MALRD1: variants seen among roughly 807,000 people sequenced by gnomAD.
MALRD1 encodes MAM and LDL receptor class A domain containing 1.
In MALRD1, 247 loss-of-function variants were observed where a neutral mutation model predicts 242.1. The ratio of observed to expected loss-of-function variants is 1.02; its 90% CI spans 0.92 to 1.13. The LOEUF (loss-of-function observed/expected upper bound fraction) is 1.13. Ranked by LOEUF, MALRD1 falls within the 50% of genes most tolerant of loss-of-function variation. MALRD1 has a pLI of 0.00. For missense variants in MALRD1, 2,989 were observed against 2,533.1 expected, an observed-to-expected ratio of 1.18 and a Z score of -3.86; for synonymous variants, 995 against 866.6, an observed-to-expected ratio of 1.15 and a Z score of -2.60.
In MALRD1 at chr10:19,087,252, C is replaced by T. The variant is rs570207393; in HGVS notation, c.341-588C>T. Among the ~76,000 whole-genome samples, 40 of 152,090 alleles carry T rather than the reference C, an allele frequency of 2.6e-4. No individual in the cohort carries two copies. In the South Asian group the frequency reaches 2.9e-3, roughly 11 times the overall value. ...GGCAGTCCTAATAGTATAATGTTTT[C>T]GCTAGATAGCATCTTTGCAGGGATG... On this transcript the variant is annotated intron_variant, in intron 2 of 39. Transcript: ENST00000454679.
chr10:19,378,099 C>T (rs1845685610), intron 26 of MALRD1, among the ~76,000 whole-genome samples: 1 of 152,090 alleles, frequency 6.6e-6, no homozygotes, highest in Non-Finnish European at 1.5e-5. Flanking sequence ...CAAATATATA[C>T]AGTTTTTTTA....
Position 19,352,202 on chromosome 10 carries a change from G to C in MALRD1, c.4346G>C (p.Arg1449Pro), listed in dbSNP as rs144859836. The C allele has an allele frequency of 3.9e-5, 60 of 1,550,334 alleles. No homozygotes were observed. The highest frequency in any genetic ancestry group is 4.4e-5 in the Non-Finnish European group (51 of 1,146,900). The change falls in exon 26 of 40, where the codon CGT becomes CCT. Residue 1449 changes from arginine (R) to proline (P), a missense_variant. Arg to Pro is a moderately radical substitution (Grantham distance 103). Transcript: ENST00000454679. The part of the protein sequence containing the change: ...KFEGRVGKGQ[R>P]GDIALDDIVL... ...GAAGGTAGAGTTGGGAAAGGTCAGC[G>C]TGGAGACATTGCACTTGATGACATT...
At chr10:19,401,260 G>A (rs923366092) in intron 28 of MALRD1, among the ~76,000 whole-genome samples, 1 of 152,016 alleles carries the variant, frequency 6.6e-6, no homozygotes, top group Non-Finnish European at 1.5e-5. Flanking sequence ...ATTTAACATA[G>A]CACTGCTTTC....
intron 26 of MALRD1, among the ~76,000 whole-genome samples, chr10:19,378,806 A>G (rs1004539729): frequency 6.6e-6 from 1 of 152,030 alleles, no homozygotes; most frequent in Admixed American, 6.6e-5. Context: ...TTGGTATTAG[A>G]GTAATATTGA....
chr10:19,703,072 T>C (rs918795590), intron 38 of MALRD1, among the ~76,000 whole-genome samples: 3 of 152,168 alleles, frequency 2.0e-5, no homozygotes, highest in Admixed American at 6.5e-5. Context: ...CCTAATCTCT[T>C]AGTGTGGACA....
intron 5 of MALRD1, among the ~76,000 whole-genome samples, chr10:19,108,916 T>C (rs1836573202): frequency 6.6e-6 from 1 of 152,198 alleles, no homozygotes; most frequent in South Asian, 2.1e-4. Context: ...TATGTTGATA[T>C]CTGTGCAACT....
intron 17 of MALRD1, among the ~76,000 whole-genome samples, chr10:19,208,451 A>G (rs1836885517): frequency 1.3e-5 from 2 of 152,152 alleles, no homozygotes; most frequent in Non-Finnish European, 2.9e-5. Context: ...TTATTTAGGT[A>G]TAGATTCTAT....
At chr10:19,382,358 G>C (rs1845871748) in intron 26 of MALRD1, among the ~76,000 whole-genome samples, 1 of 17,512 alleles carries the variant, frequency 5.7e-5, no homozygotes, top group African/African-American at 8.5e-4. Context: ...GTGTGTGTAT[G>C]TGTGAGTGTG....
chr10:19,460,080 G>A (rs533326340), intron 29 of MALRD1, among the ~76,000 whole-genome samples: 1 of 151,886 alleles, frequency 6.6e-6, no homozygotes, highest in African/African-American at 2.4e-5. Context: ...GTGATGATAT[G>A]GTGTTTCCAT....
chr10:19,260,909 C>T (rs1839717060), intron 19 of MALRD1, among the ~76,000 whole-genome samples: 1 of 152,110 alleles, frequency 6.6e-6, no homozygotes, highest in Admixed American at 6.5e-5. Flanking sequence ...AGGCTACAAT[C>T]TCCAGTTTAC....
Position 19,450,490 on chromosome 10 carries a change from G to A in MALRD1, c.5029G>A (p.Val1677Met), listed in dbSNP as rs995750035. 56 of 1,538,938 alleles carry A rather than the reference G, an allele frequency of 3.6e-5. No homozygotes were observed. The East Asian group carries it at 1.3e-3, about 36-fold the overall frequency. The stretch of plus-strand genomic sequence containing the variant: ...TATTGAATTTAAAAACTGCACAACT[G>A]GTAAGTTTCCAGAAAGCACTTCCAT... Reference protein sequence around the residue: ...DDIEFKNCTTVGEISELCPEI... With the variant: ...DDIEFKNCTTMGEISELCPEI... The change falls in exon 29 of 40, where the codon GTG becomes ATG. Residue 1677 changes from valine to methionine, a missense_variant and splice_region_variant. Coordinates refer to ENST00000454679, the MANE Select transcript of MALRD1 (RefSeq NM_001142308.3).
At chr10:19,681,226 C>T (rs1218987523) in intron 36 of MALRD1, among the ~76,000 whole-genome samples, 1 of 152,130 alleles carries the variant, frequency 6.6e-6, no homozygotes, top group African/African-American at 2.4e-5. Flanking sequence ...GGGAAGTTCT[C>T]CTGGATGATA....
At chr10:19,058,469 T>A (rs1345046369) in intron 1 of MALRD1, among the ~76,000 whole-genome samples, 1 of 152,194 alleles carries the variant, frequency 6.6e-6, no homozygotes, top group East Asian at 1.9e-4. Context: ...TTTCAAAATA[T>A]GTTTGTTGAA....
intron 28 of MALRD1, among the ~76,000 whole-genome samples, chr10:19,396,081 T>C (rs1846562828): frequency 6.6e-6 from 1 of 152,158 alleles, no homozygotes; most frequent in African/African-American, 2.4e-5. Flanking sequence ...CTGCTACTCT[T>C]GTGTCCAGTC....
At chr10:19,611,226 C>T (rs959245618) in intron 35 of MALRD1, among the ~76,000 whole-genome samples, 2 of 151,866 alleles carry the variant, frequency 1.3e-5, no homozygotes, top group African/African-American at 4.8e-5. Context: ...CTCAAAGTCC[C>T]ATAAGTCTTA....
chr10:19,450,504 A>G lies in MALRD1; in HGVS notation c.5029+14A>G, dbSNP rs1418713428. 4 of 1,534,864 alleles carry G rather than the reference A, an allele frequency of 2.6e-6. No homozygotes were observed. Among genetic ancestry groups the G allele is most frequent in the Non-Finnish European group, 2.6e-6 (3 of 1,139,312 alleles). ...ACTGCACAACTGGTAAGTTTCCAGA[A>G]AGCACTTCCATTTGGAAGCACATTT... On this transcript the variant is annotated intron_variant, in intron 29 of 39. Transcript: ENST00000454679.
intron 29 of MALRD1, 78 bp downstream of exon 29, chr10:19,450,568 A>C: frequency 5.6e-6 from 7 of 1,240,186 alleles, no homozygotes; most frequent in Admixed American, 4.9e-5. Flanking sequence ...CAAGTTTACA[A>C]TGCTTTACTG....
intron 21 of MALRD1, among the ~76,000 whole-genome samples, chr10:19,306,272 A>G (rs1033929406): frequency 4.4e-5 from 6 of 137,346 alleles, no homozygotes; most frequent in Admixed American, 1.6e-4. Context: ...TATATATACT[A>G]TATATACCGT....
At chr10:19,241,584 T>A (rs992917598) in intron 18 of MALRD1, among the ~76,000 whole-genome samples, 10 of 152,128 alleles carry the variant, frequency 6.6e-5, no homozygotes, top group African/African-American at 2.4e-4. Context: ...TTTCCTTCCT[T>A]CTACCAATTT....
Sources: allele counts gnomAD v4.1 joint callset (sites outside exome capture counted in the v4.1 genomes callset), GRCh38; gene constraint gnomAD v4.1.1; transcripts MANE v1.5; gene names NCBI Gene and HGNC (gene_info 2026-07-23, HGNC 2026-07-21).